The following FAM107B variants were observed in gnomAD, a reference collection of about 807,000 sequenced individuals.
The protein encoded by FAM107B is protein FAM107B.
FAM107B carries 21 observed loss-of-function variants against 31.5 expected under a neutral mutation model. The observed-to-expected ratio is 0.67, with a 90% CI of 0.47 to 0.96. The LOEUF is 0.96. Among genes scored for constraint, FAM107B ranks in the 40% least tolerant of loss-of-function variants. The pLI is 0.00. For missense variants in FAM107B, 452 were observed against 377.1 expected (o/e 1.20, Z -1.64); for synonymous variants, 157 against 141.5 (o/e 1.11, Z -0.78).
intron 3 of FAM107B, chr10:14,528,174 G>GTT (rs34584902): frequency 0.17 from 11,495 of 67,654 alleles, 1,229 homozygotes; most frequent in African/African-American, 0.3. Context: ...TTAAGTTTTG[G>GTT]TTTTTTTTTT....
intron 1 of FAM107B, among the ~76,000 whole-genome samples, chr10:14,728,560 C>T (rs1856090644): frequency 6.6e-6 from 1 of 152,162 alleles, no homozygotes; most frequent in African/African-American, 2.4e-5. Flanking sequence ...TTGTCAACAG[C>T]TTCCCCACCC....
At chr10:14,708,614 A>T (rs1476671515) in intron 1 of FAM107B, among the ~76,000 whole-genome samples, 1 of 151,982 alleles carries the variant, frequency 6.6e-6, no homozygotes, top group African/African-American at 2.4e-5. Flanking sequence ...GTATGTCTAA[A>T]GAAAAAAAAA....
At chr10:14,584,393 T>C (rs1448073512) in intron 2 of FAM107B, among the ~76,000 whole-genome samples, 1 of 152,186 alleles carries the variant, frequency 6.6e-6, no homozygotes, top group Non-Finnish European at 1.5e-5. Flanking sequence ...CAGCTGCCGA[T>C]GAGAATTATG....
chr10:14,523,583 C>T (rs779335309), intron 3 of FAM107B, among the ~76,000 whole-genome samples: 11 of 152,190 alleles, frequency 7.2e-5, no homozygotes, highest in Admixed American at 4.6e-4. Context: ...GTTCTCTAAA[C>T]GACTCCTATC....
chr10:14,762,542 G>A (rs1359093462), intron 1 of FAM107B, among the ~76,000 whole-genome samples: 2 of 152,130 alleles, frequency 1.3e-5, no homozygotes, highest in African/African-American at 4.8e-5. Context: ...ATCACCTGAG[G>A]CCGGGAGTTC....
chr10:14,662,552 T>A (rs1854273351), intron 2 of FAM107B, among the ~76,000 whole-genome samples: 1 of 152,090 alleles, frequency 6.6e-6, no homozygotes, highest in Admixed American at 6.6e-5. Flanking sequence ...AATTTTTTAA[T>A]TTTTTTGTAG....
intron 2 of FAM107B, among the ~76,000 whole-genome samples, chr10:14,603,123 T>C (rs754211618): frequency 6.6e-6 from 1 of 152,164 alleles, no homozygotes; most frequent in Admixed American, 6.5e-5. Flanking sequence ...GGTTTTTTTC[T>C]ATATATTTTC....
chr10:14,527,148 T>C (rs1846348566), intron 3 of FAM107B, among the ~76,000 whole-genome samples: 1 of 151,978 alleles, frequency 6.6e-6, no homozygotes, highest in South Asian at 2.1e-4. Context: ...TTCTTAATTG[T>C]TTTTTTAAAG....
At chr10:14,603,470 C>A (rs901573935) in intron 2 of FAM107B, among the ~76,000 whole-genome samples, 1 of 152,138 alleles carries the variant, frequency 6.6e-6, no homozygotes, top group Non-Finnish European at 1.5e-5. Flanking sequence ...AGGCTTGGTA[C>A]CTTGCAGCAG....
intron 1 of FAM107B, among the ~76,000 whole-genome samples, chr10:14,773,535 C>T (rs1479651190): frequency 1.3e-5 from 2 of 152,136 alleles, no homozygotes; most frequent in Non-Finnish European, 2.9e-5. Flanking sequence ...CTGGGATTAC[C>T]GGGAACTTTG....
At chr10:14,710,369 C>G (rs896520549) in intron 1 of FAM107B, among the ~76,000 whole-genome samples, 6 of 151,850 alleles carry the variant, frequency 4.0e-5, no homozygotes, top group African/African-American at 9.7e-5. Flanking sequence ...TACGATTGCA[C>G]CACTATACTC....
chr10:14,688,700 C>T (rs1855049260), intron 1 of FAM107B, among the ~76,000 whole-genome samples: 1 of 152,166 alleles, frequency 6.6e-6, no homozygotes, highest in African/African-American at 2.4e-5. Context: ...TGGTGCTCAA[C>T]GTTTCTTTAC....
chr10:14,760,521 G>T (rs17155892), intron 1 of FAM107B, among the ~76,000 whole-genome samples: 50 of 149,832 alleles, frequency 3.3e-4, no homozygotes, highest in Non-Finnish European at 1.2e-4. Context: ...AATAGCACAT[G>T]GAGAAGCATA....
chr10:14,552,855 T>G (rs190628658), intron 2 of FAM107B, among the ~76,000 whole-genome samples: 1 of 152,274 alleles, frequency 6.6e-6, no homozygotes, highest in East Asian at 1.9e-4. Flanking sequence ...TTCGTTGTAA[T>G]GCTTGTTGTG....
chr10:14,532,300 C>G (rs1046105245), intron 2 of FAM107B, among the ~76,000 whole-genome samples: 4 of 152,098 alleles, frequency 2.6e-5, no homozygotes, highest in Admixed American at 6.6e-5. Context: ...TGACCCTGCC[C>G]CCAGCACCTC....
intron 2 of FAM107B, among the ~76,000 whole-genome samples, chr10:14,544,214 G>T (rs113425621): frequency 1.8e-4 from 27 of 152,240 alleles, no homozygotes; most frequent in South Asian, 4.1e-4. Context: ...AAAAAATCAA[G>T]ACCCTTGAAC....
intron 2 of FAM107B, among the ~76,000 whole-genome samples, chr10:14,566,185 T>TA (rs1008640056): frequency 3.9e-5 from 6 of 152,078 alleles, no homozygotes; most frequent in African/African-American, 7.2e-5. Flanking sequence ...GTAGCAGAGA[T>TA]AAAAAACAGA....
At chr10:14,653,411 T>A (rs1450760894) in intron 2 of FAM107B, among the ~76,000 whole-genome samples, 2 of 152,176 alleles carry the variant, frequency 1.3e-5, no homozygotes, top group African/African-American at 4.8e-5. Flanking sequence ...CAAAGGCAAT[T>A]TCACATCACC....
At chr10:14,539,203 G>C (rs1002296084) in intron 2 of FAM107B, among the ~76,000 whole-genome samples, 1 of 152,210 alleles carries the variant, frequency 6.6e-6, no homozygotes, top group Non-Finnish European at 1.5e-5. Context: ...CATTTTTCCA[G>C]TGTGGACAGG....
Sources: gnomAD v4.1 joint callset for allele counts (sites outside exome capture counted in the v4.1 genomes callset) on GRCh38, gnomAD v4.1.1 for gene constraint, MANE v1.5 for transcripts, NCBI Gene and HGNC (gene_info 2026-07-23, HGNC 2026-07-21) for gene names.